Variants in CRHR2 observed in about 807,000 individuals in gnomAD.
CRHR2 encodes corticotropin releasing hormone receptor 2.
A neutral mutation model predicts 57.9 loss-of-function variants in CRHR2; 53 were observed. The observed-to-expected ratio is 0.92, with a 90% CI of 0.73 to 1.15. The LOEUF is 1.15. Ranked by LOEUF, CRHR2 falls within the 50% of genes most tolerant of loss-of-function variation. The probability of loss-of-function intolerance (pLI) is 0.00; values close to 1 mark genes in which losing one functional copy is unlikely to be tolerated. For missense variants in CRHR2, 532 were observed against 542.6 expected (o/e 0.98, Z 0.19); for synonymous variants, 213 against 220.9 (o/e 0.96, Z 0.32).
intron 2 of CRHR2, among the ~76,000 whole-genome samples, chr7:30,667,570 G>T (rs1027844437): frequency 8.5e-5 from 13 of 152,190 alleles, no homozygotes; most frequent in African/African-American, 2.4e-4. Context: ...CTTTCATTTT[G>T]TTCATTTGCT....
At chr7:30,654,679 T>C in intron 11 of CRHR2, 3 of 1,535,658 alleles carry the variant, frequency 2.0e-6, no homozygotes, top group Non-Finnish European at 1.7e-6. Context: ...TCTCTTCTGC[T>C]CCCTGAGTCC....
At chr7:30,655,887 T>C in intron 9 of CRHR2, 40 bp downstream of exon 9, 1 of 1,605,250 alleles carries the variant, frequency 6.2e-7, no homozygotes, top group Non-Finnish European at 8.5e-7. Context: ...GATGACCTCC[T>C]CCTGTCCCCA....
upstream of CRHR2, among the ~76,000 whole-genome samples, chr7:30,686,153 T>C (rs1038066520): frequency 7.2e-5 from 11 of 152,260 alleles, no homozygotes; most frequent in African/African-American, 2.4e-4. Flanking sequence ...TTTGTATTTC[T>C]GCACTGGAAA....
intron 2 of CRHR2, among the ~76,000 whole-genome samples, chr7:30,679,602 A>G (rs1429762284): frequency 6.6e-6 from 1 of 152,190 alleles, no homozygotes; most frequent in Non-Finnish European, 1.5e-5. Context: ...CTAAACTGCT[A>G]TCCCCACCCG....
intron 2 of CRHR2, chr7:30,688,975 G>C (rs1449265306): frequency 1.5e-6 from 1 of 647,860 alleles, no homozygotes; most frequent in Non-Finnish European, 2.9e-6. Context: ...TGGCCTCCCA[G>C]CCAAGCCCTT....
rs41342945 is a variant in CRHR2 at position 30,653,968 on chromosome 7, T to C, written c.1096-368A>G. Among the ~76,000 whole-genome samples, 68 of 152,168 alleles carry C rather than the reference T, an allele frequency of 4.5e-4. No homozygotes were observed. Among genetic ancestry groups the C allele is most frequent in the African/African-American group, 1.5e-3 (61 of 41,536 alleles). The stretch of plus-strand genomic sequence containing the variant: ...CTCAGCCTTCTTGGGCCCCTGCTCC[T>C]TGCAGGGCGTTGGTGGTGTGCGCCC... On this transcript the variant is annotated intron_variant, in intron 11 of 11. Transcript: ENST00000471646. The surrounding 1 kb of genome is among the most constrained non-coding windows in gnomAD (Gnocchi z 5.0).
intron 8 of CRHR2, among the ~76,000 whole-genome samples, chr7:30,658,944 CA>C (rs1783889440): frequency 6.6e-6 from 1 of 152,202 alleles, no homozygotes; most frequent in South Asian, 2.1e-4. Flanking sequence ...TCGAGGACAA[CA>C]GGCAGATGGT....
At chr7:30,672,064 T>G (rs1784380318) in intron 2 of CRHR2, among the ~76,000 whole-genome samples, 1 of 152,184 alleles carries the variant, frequency 6.6e-6, no homozygotes, top group Admixed American at 6.5e-5. Context: ...TCCCTGCCTA[T>G]CTCTAAGGTT....
chr7:30,686,467 ATG>A (rs745606336), upstream of CRHR2: 14 of 1,526,536 alleles, frequency 9.2e-6, no homozygotes, highest in Admixed American at 4.1e-5. Flanking sequence ...ACCCTGGCAT[ATG>A]TGTGTGTGTT....
In CRHR2 at chr7:30,653,146, C is replaced by A. The variant is rs1442498341; in HGVS notation, c.*314G>T. 1 of 321,974 alleles carries A rather than the reference C, an allele frequency of 3.1e-6. No individual in the cohort carries two copies. Among genetic ancestry groups the A allele is most frequent in the South Asian group, 4.5e-5 (1 of 22,384 alleles). 19.9% of individuals were successfully genotyped at this position (321,974 alleles called of 1,614,324 possible). Reference sequence around the variant, plus strand: ...AATAGCTGTGTGTGTTGGACAGGTCCTTCTCTGCTCTGGGCCCAGTAAGGC... The same window carrying A: ...AATAGCTGTGTGTGTTGGACAGGTCATTCTCTGCTCTGGGCCCAGTAAGGC... On this transcript the variant is annotated 3_prime_UTR_variant, in exon 12 of 12. Coordinates refer to ENST00000471646, the MANE Select transcript of CRHR2 (RefSeq NM_001883.5). The surrounding 1 kb of genome is among the most constrained non-coding windows in gnomAD (Gnocchi z 5.0).
At chr7:30,681,286 G>A (rs892410295) in intron 2 of CRHR2, among the ~76,000 whole-genome samples, 5 of 152,176 alleles carry the variant, frequency 3.3e-5, no homozygotes, top group African/African-American at 4.8e-5. Context: ...TTATGGGGGC[G>A]CAGGAATAAT....
intron 1 of CRHR2, among the ~76,000 whole-genome samples, chr7:30,697,571 C>T (rs544859834): frequency 6.6e-6 from 1 of 152,214 alleles, no homozygotes; most frequent in African/African-American, 2.4e-5. Flanking sequence ...TGGGTTCCTC[C>T]AGGCTCTCAG....
chr7:30,682,499 G>T (rs1784758001), upstream of CRHR2: 1 of 1,286,230 alleles, frequency 7.8e-7, no homozygotes, highest in African/African-American at 1.6e-5. Context: ...ACGGAGCTGC[G>T]GGTACAGCCG....
chr7:30,664,148 G>A (rs1156639935), intron 5 of CRHR2, among the ~76,000 whole-genome samples: 1 of 152,226 alleles, frequency 6.6e-6, no homozygotes, highest in Non-Finnish European at 1.5e-5. Context: ...CTGAGGCAGT[G>A]TTCTATGTGG....
rs1783783478 is a variant in CRHR2 at position 30,656,186 on chromosome 7, G to A, written c.832-174C>T. Among the ~76,000 whole-genome samples the A allele has an allele frequency of 1.3e-5, 2 of 151,504 alleles. No individual in the cohort carries two copies. The highest frequency in any genetic ancestry group is 6.6e-5 in the Admixed American group (1 of 15,232). Reference sequence around the variant, plus strand: ...ATCCCAAGGCCTGTGCTCCTCCCTCGCCAGGATGGGGAGACAGCCCCATTT... The same window carrying A: ...ATCCCAAGGCCTGTGCTCCTCCCTCACCAGGATGGGGAGACAGCCCCATTT... On this transcript the variant is annotated intron_variant, in intron 8 of 11. Transcript: ENST00000471646. This position sits in a 1 kb window ranked among gnomAD's most constrained non-coding sequence, Gnocchi z 4.4.
At chr7:30,662,995 C>T in intron 5 of CRHR2, 148 bp from the exon 6 acceptor site, 3 of 932,992 alleles carry the variant, frequency 3.2e-6, no homozygotes, top group South Asian at 3.7e-5. Flanking sequence ...CTCTGAAAAG[C>T]TTCATCCTTC....
chr7:30,695,652 C>G (rs1421921799), intron 1 of CRHR2, among the ~76,000 whole-genome samples: 1 of 152,240 alleles, frequency 6.6e-6, no homozygotes, highest in East Asian at 1.9e-4. Flanking sequence ...CCTTAATTAT[C>G]AACACATCTA....
chr7:30,665,228 TCAACTGGGACTGGGTTCCCCCTGAGGCC>T lies in CRHR2; in HGVS notation c.426-69_426-42del, dbSNP rs1784139650. 1.9e-6 allele frequency: 3 copies of T among 1,554,370 alleles called. No homozygotes were observed. The highest frequency in any genetic ancestry group is 1.8e-6 in the Non-Finnish European group (2 of 1,126,364). ...GTCAGGGGTCAGCCAGGTTCAGGGG[TCAACTGGGACTGGGTTCCCCCTGAGGCC>T]AGGTAGAGACTCAGCCTGGGATGAG... On this transcript the variant is annotated intron_variant, in intron 4 of 11. Transcript: ENST00000471646. This position sits in a 1 kb window ranked among gnomAD's most constrained non-coding sequence, Gnocchi z 4.5.
chr7:30,676,424 G>C (rs900316599), intron 2 of CRHR2, among the ~76,000 whole-genome samples: 2 of 152,146 alleles, frequency 1.3e-5, no homozygotes. Context: ...CTGAGTTTCC[G>C]GATTTACAGC....
Sources: gnomAD v4.1 joint callset for allele counts (sites outside exome capture counted in the v4.1 genomes callset) on GRCh38, gnomAD v4.1.1 for gene constraint, Gnocchi (gnomAD v3.1) non-coding constraint, MANE v1.5 for transcripts, NCBI Gene and HGNC (gene_info 2026-07-23, HGNC 2026-07-21) for gene names.